The following RP1 variants were observed in gnomAD, a reference collection of about 807,000 sequenced individuals.
RP1 encodes oxygen-regulated protein 1.
RP1 carries 16 observed loss-of-function variants against 14.8 expected under a neutral mutation model. That is an observed-to-expected ratio of 1.08 (90% CI 0.73 to 1.65). The LOEUF (loss-of-function observed/expected upper bound fraction) is 1.65, where lower values mean the gene tolerates loss of function less well. Among genes scored for constraint, RP1 ranks in the 40% most tolerant of loss-of-function variants. RP1 has a pLI of 0.00. For missense variants in RP1, 2,631 were observed against 2,535.0 expected (o/e 1.04, Z -0.81); for synonymous variants, 876 against 883.6 (o/e 0.99, Z 0.15).
chr8:54,822,713 T>C (rs1376064231), intron 24 of RP1, among the ~76,000 whole-genome samples: 1 of 152,140 alleles, frequency 6.6e-6, no homozygotes, highest in Non-Finnish European at 1.5e-5. Context: ...AAAGCAGGTA[T>C]TACACCAAGT....
At chr8:54,739,363 T>C (rs1411236566) in intron 19 of RP1, among the ~76,000 whole-genome samples, 1 of 152,138 alleles carries the variant, frequency 6.6e-6, no homozygotes, top group Non-Finnish European at 1.5e-5. Context: ...TACTTCCCAA[T>C]AAACCCATCA....
chr8:54,774,977 G>A (rs1809997573), downstream of RP1, among the ~76,000 whole-genome samples: 1 of 152,006 alleles, frequency 6.6e-6, no homozygotes, highest in Admixed American at 6.6e-5. Context: ...ATAACTTTTT[G>A]TTGTGGGGGA....
intron 1 of RP1, among the ~76,000 whole-genome samples, chr8:54,589,360 A>AT (rs1185500019): frequency 2.6e-5 from 4 of 151,888 alleles, no homozygotes; most frequent in Non-Finnish European, 2.9e-5. Flanking sequence ...GGATTGATAC[A>AT]TTTTTTTTCT....
rs774475397 is a variant in RP1, at chr8:54,628,087, G to T, written c.4205G>T (p.Cys1402Phe). The change falls in exon 4 of 4, where the codon TGC (cysteine) becomes TTC (phenylalanine). Residue 1402 changes from cysteine to phenylalanine, a missense_variant. Cys to Phe is a radical substitution (Grantham distance 205, BLOSUM62 -2). Coordinates refer to ENST00000220676, the MANE Select transcript of RP1 (RefSeq NM_006269.2). ...AGTAATTTAAGCTCCTGTGGCCTTT[G>T]CCTAAGTGAAAAAGAAGCAGAACTT... Reference protein sequence around the residue: ...NVSNLSSCGLCLSEKEAELDK... With the variant: ...NVSNLSSCGLFLSEKEAELDK... 1.5e-5 allele frequency: 24 copies of T among 1,613,900 alleles called. No homozygotes were observed. Among genetic ancestry groups the T allele is most frequent in the Non-Finnish European group, 1.9e-5 (23 of 1,179,950 alleles).
At chr8:54,745,128 T>G (rs368707999) in intron 19 of RP1, among the ~76,000 whole-genome samples, 3 of 152,354 alleles carry the variant, frequency 2.0e-5, no homozygotes, top group African/African-American at 7.2e-5. Context: ...GATGCAGTTC[T>G]TGTCTTCAAA....
intron 4 of RP1, among the ~76,000 whole-genome samples, chr8:54,649,879 C>G (rs530554254): frequency 5.6e-4 from 86 of 152,250 alleles, no homozygotes; most frequent in African/African-American, 2.0e-3. Context: ...AGAGGCTGAA[C>G]CATTTGGAAA....
chr8:54,670,683 A>G (rs1333373077), intron 7 of RP1, among the ~76,000 whole-genome samples: 5 of 135,338 alleles, frequency 3.7e-5, no homozygotes, highest in African/African-American at 1.4e-4. Context: ...ATATATATAT[A>G]TATATATATA....
intron 1 of RP1, among the ~76,000 whole-genome samples, chr8:54,580,717 CAAGTGAT>C (rs1345904733): frequency 6.6e-6 from 1 of 151,660 alleles, no homozygotes; most frequent in East Asian, 1.9e-4. Flanking sequence ...CTCCTGGGTT[CAAGTGAT>C]TCTCCTGCCC....
rs189429852 is a variant in RP1 at position 54,825,827 on chromosome 8, G to T, written c.3616-11623G>T. ...TGGCTCATGCCTGTAATTCCACTGTGGGGGGCAGAGCAGAGGATGAATGCT... is the reference window on the plus strand; with the variant it reads ...TGGCTCATGCCTGTAATTCCACTGTTGGGGGCAGAGCAGAGGATGAATGCT... On this transcript the variant is annotated intron_variant, in intron 24 of 28. Transcript: ENST00000637698. 3.3e-5 allele frequency among the ~76,000 whole-genome samples: 5 copies of T among 152,058 alleles called. No individual in the cohort carries two copies. The East Asian group carries it at 7.7e-4, about 23-fold the overall frequency.
intron 24 of RP1, among the ~76,000 whole-genome samples, chr8:54,818,317 C>A (rs1007002105): frequency 6.6e-6 from 1 of 152,184 alleles, no homozygotes; most frequent in African/African-American, 2.4e-5. Flanking sequence ...TGCAAAAATG[C>A]AAACTGTAGC....
intron 14 of RP1, among the ~76,000 whole-genome samples, chr8:54,703,339 C>T (rs1690770758): frequency 6.6e-6 from 1 of 152,162 alleles, no homozygotes; most frequent in African/African-American, 2.4e-5. Context: ...TAACATTAAT[C>T]TCCTTGTACG....
chr8:54,695,156 C>G (rs1250657829), intron 12 of RP1, among the ~76,000 whole-genome samples: 1 of 152,010 alleles, frequency 6.6e-6, no homozygotes, highest in African/African-American at 2.4e-5. Flanking sequence ...ATCCTGAGTT[C>G]TAGTTTGATT....
intron 7 of RP1, among the ~76,000 whole-genome samples, chr8:54,672,204 C>T (rs1453697505): frequency 6.6e-6 from 1 of 152,162 alleles, no homozygotes; most frequent in Non-Finnish European, 1.5e-5. Context: ...GTCTTTTAGC[C>T]TTCCAAACTA....
intron 1 of RP1, among the ~76,000 whole-genome samples, chr8:54,573,289 A>G (rs1481199139): frequency 6.7e-6 from 1 of 149,640 alleles, no homozygotes; most frequent in Non-Finnish European, 1.5e-5. Flanking sequence ...AAACAGAACC[A>G]AGGTGTAAAG....
At chr8:54,841,067 G>C (rs1403521427) in intron 25 of RP1, among the ~76,000 whole-genome samples, 1 of 152,204 alleles carries the variant, frequency 6.6e-6, no homozygotes, top group Non-Finnish European at 1.5e-5. Context: ...GGTGGGTAAG[G>C]AGTGGTCTGG....
chr8:54,824,558 A>C (rs561695914), intron 24 of RP1, among the ~76,000 whole-genome samples: 12 of 152,342 alleles, frequency 7.9e-5, no homozygotes, highest in African/African-American at 2.9e-4. Flanking sequence ...AACTCATTCT[A>C]TGAAGCCATT....
chr8:54,670,590 T>C (rs1475016149), intron 7 of RP1, among the ~76,000 whole-genome samples: 3 of 141,166 alleles, frequency 2.1e-5, no homozygotes, highest in East Asian at 2.0e-4. Context: ...TATGTATATA[T>C]ATACATATAT....
rs767898825 is a variant in RP1 at position 54,628,301 on chromosome 8, C to T, written c.4419C>T (p.Asn1473=). Reference sequence around the variant, plus strand: ...TGGAATCTTTTGAAGAATTAGAAAACCATGACACTGATATCTTTAATACAG... The same window carrying T: ...TGGAATCTTTTGAAGAATTAGAAAATCATGACACTGATATCTTTAATACAG... The part of the protein sequence containing the change: ...SELESFEELE[N]HDTDIFNTVV... Residue 1473 remains asparagine, a synonymous_variant, in exon 4 of 4, where the codon AAC becomes AAT. Coordinates refer to ENST00000220676, the MANE Select transcript of RP1 (RefSeq NM_006269.2). 1 of 1,613,822 alleles carries T rather than the reference C, an allele frequency of 6.2e-7. No homozygotes were observed. Among genetic ancestry groups the T allele is most frequent in the Non-Finnish European group, 8.5e-7 (1 of 1,179,916 alleles).
At position 54,729,186 on chromosome 8, in the gene RP1, A is replaced by G. The variant is rs367825404; in HGVS notation, c.2521+2710A>G. On this transcript the variant is annotated intron_variant, in intron 17 of 22. Coordinates refer to the RP1 transcript ENST00000636932. ...ATCTTTCCGGCAACTACCTATTTCT[A>G]TAAATGAGAAAATCAAGACCCAGGA... Among the ~76,000 whole-genome samples the G allele has an allele frequency of 2.1e-3, 320 of 152,326 alleles. 10 individuals are homozygous for G. In the South Asian group the frequency reaches 0.061, roughly 29 times the overall value.
Sources: allele counts gnomAD v4.1 joint callset (sites outside exome capture counted in the v4.1 genomes callset), GRCh38; gene constraint gnomAD v4.1.1; transcripts MANE v1.5; gene names NCBI Gene and HGNC (gene_info 2026-07-23, HGNC 2026-07-21).